Variants in NRXN3 observed in about 807,000 individuals in gnomAD.
NRXN3 encodes neurexin 3, also known as neurexin III.
Under a neutral mutation model 137.6 loss-of-function variants are expected in NRXN3, and 32 were observed. The ratio of observed to expected loss-of-function variants is 0.23; its 90% CI spans 0.18 to 0.31. The LOEUF (loss-of-function observed/expected upper bound fraction) is 0.31. Ranked by LOEUF, NRXN3 falls within the 10% of genes least tolerant of loss-of-function variation. The pLI, the probability that NRXN3 is intolerant of heterozygous loss-of-function variation, is 1.00. For synonymous variants in NRXN3, 798 were observed against 784.5 expected, an observed-to-expected ratio of 1.02 and a Z score of -0.29; for missense variants, 1,574 against 2,062.5, an observed-to-expected ratio of 0.76 and a Z score of 4.59.
chr14:79,606,067 C>G (rs1407663332), intron 16 of NRXN3, among the ~76,000 whole-genome samples: 1 of 152,114 alleles, frequency 6.6e-6, no homozygotes, highest in African/African-American at 2.4e-5. Flanking sequence ...TAATGAGGCT[C>G]TCTTTGTTTG....
At chr14:79,756,075 G>A (rs2099018464) in intron 19 of NRXN3, among the ~76,000 whole-genome samples, 1 of 152,004 alleles carries the variant, frequency 6.6e-6, no homozygotes, top group Non-Finnish European at 1.5e-5. Context: ...ATAGCCCCTG[G>A]AAAATCATCA....
At chr14:78,198,273 C>T (rs1004644383) in intron 1 of NRXN3, among the ~76,000 whole-genome samples, 19 of 152,252 alleles carry the variant, frequency 1.2e-4, no homozygotes, top group African/African-American at 4.6e-4. Context: ...TGTACCATGT[C>T]ACCTTCCCCT....
chr14:79,641,164 C>T lies in NRXN3; in HGVS notation c.3445-22614C>T, dbSNP rs2098431630. Among the ~76,000 whole-genome samples, 4 of 133,462 alleles carry T rather than the reference C, an allele frequency of 3.0e-5. 1 individual carries two copies. In the Admixed American group the frequency reaches 3.2e-4, roughly 11 times the overall value. The allele number at this position is 133,462 out of a possible 152,430, so 87.6% of individuals were successfully genotyped here. ...CTGGGATTACAGGCGCACAGCACCTCGCCTGGCTAATTCTTCTGTATTTTT... is the reference window on the plus strand; with the variant it reads ...CTGGGATTACAGGCGCACAGCACCTTGCCTGGCTAATTCTTCTGTATTTTT... On this transcript the variant is annotated intron_variant, in intron 16 of 20. Coordinates refer to ENST00000335750, the MANE Select transcript of NRXN3 (RefSeq NM_001330195.2).
chr14:78,821,350 C>T (rs770869424), intron 10 of NRXN3, among the ~76,000 whole-genome samples: 2 of 151,964 alleles, frequency 1.3e-5, no homozygotes, highest in South Asian at 2.1e-4. Flanking sequence ...AACACAAAAG[C>T]GAGAGAGAGG....
At chr14:79,674,876 A>G (rs1338141878) in intron 17 of NRXN3, among the ~76,000 whole-genome samples, 1 of 152,098 alleles carries the variant, frequency 6.6e-6, no homozygotes. Context: ...CTTCATTCCA[A>G]ATGCCTCCAA....
At chr14:78,674,070 T>C (rs1234161650) in intron 6 of NRXN3, among the ~76,000 whole-genome samples, 1 of 152,186 alleles carries the variant, frequency 6.6e-6, no homozygotes, top group Non-Finnish European at 1.5e-5. Context: ...GAGTGCTCTC[T>C]GGGTTTGCAG....
intron 4 of NRXN3, among the ~76,000 whole-genome samples, chr14:78,555,415 C>A (rs17107847): frequency 0.065 from 9,860 of 152,148 alleles, 486 homozygotes; most frequent in African/African-American, 0.14. Flanking sequence ...TCTTCTCATT[C>A]TAGTTTAATT....
chr14:79,450,370 G>T (rs2096146529), intron 15 of NRXN3, among the ~76,000 whole-genome samples: 1 of 152,118 alleles, frequency 6.6e-6, no homozygotes, highest in South Asian at 2.1e-4. Flanking sequence ...GCATAGCATG[G>T]TGACTACAGC....
At chr14:78,772,749 C>G (rs2098732503) in intron 8 of NRXN3, among the ~76,000 whole-genome samples, 3 of 152,074 alleles carry the variant, frequency 2.0e-5, no homozygotes, top group African/African-American at 7.2e-5. Context: ...TGCTGCTAGT[C>G]AGTGAACCAC....
chr14:78,791,644 G>A (rs1013012361), intron 8 of NRXN3, among the ~76,000 whole-genome samples: 10 of 152,226 alleles, frequency 6.6e-5, no homozygotes, highest in African/African-American at 1.4e-4. Context: ...AACAGACAAC[G>A]GGACTGAGAA....
chr14:78,561,648 T>G (rs532703485), intron 4 of NRXN3, among the ~76,000 whole-genome samples: 1 of 152,144 alleles, frequency 6.6e-6, no homozygotes, highest in Non-Finnish European at 1.5e-5. Flanking sequence ...CAAAATGATA[T>G]GATTTTCAGT....
At chr14:78,615,059 G>C (rs2097334325) in intron 4 of NRXN3, 2 of 456,608 alleles carry the variant, frequency 4.4e-6, no homozygotes, top group Non-Finnish European at 8.8e-6. Context: ...TATTTCCATG[G>C]TTAGATTAGG....
At chr14:78,174,037 G>A (rs930245962) in intron 1 of NRXN3, among the ~76,000 whole-genome samples, 1 of 152,018 alleles carries the variant, frequency 6.6e-6, no homozygotes, top group African/African-American at 2.4e-5. Flanking sequence ...TAAAGCTGTC[G>A]TGTGTCGCAG....
At chr14:79,562,358 C>T (rs1016171883) in intron 16 of NRXN3, among the ~76,000 whole-genome samples, 4 of 152,086 alleles carry the variant, frequency 2.6e-5, no homozygotes, top group Admixed American at 1.3e-4. Context: ...CCCTTGTGGT[C>T]GCTCTACTGC....
intron 15 of NRXN3, among the ~76,000 whole-genome samples, chr14:79,330,225 A>G (rs2091483948): frequency 6.6e-6 from 1 of 152,138 alleles, no homozygotes; most frequent in Non-Finnish European, 1.5e-5. Flanking sequence ...CAAGGGAGCT[A>G]TTGTGAGAGT....
chr14:79,354,840 T>A (rs1268048127), intron 15 of NRXN3, among the ~76,000 whole-genome samples: 1 of 152,214 alleles, frequency 6.6e-6, no homozygotes, highest in East Asian at 1.9e-4. Flanking sequence ...AAGAACATTT[T>A]GCTAAGTGCC....
chr14:78,487,793 A>T (rs2095591355), intron 4 of NRXN3, among the ~76,000 whole-genome samples: 1 of 151,288 alleles, frequency 6.6e-6, no homozygotes, highest in Admixed American at 6.6e-5. Context: ...ATAAATAAAG[A>T]TAGATTTGTC....
chr14:78,355,310 G>C (rs2084120066), intron 4 of NRXN3, among the ~76,000 whole-genome samples: 1 of 151,338 alleles, frequency 6.6e-6, no homozygotes, highest in South Asian at 2.1e-4. Context: ...GAACAAGATA[G>C]GCAGGAGCTG....
At chr14:79,763,538 G>A (rs1203747770) in intron 19 of NRXN3, among the ~76,000 whole-genome samples, 5 of 151,582 alleles carry the variant, frequency 3.3e-5, no homozygotes, top group Admixed American at 6.6e-5. Context: ...CATTTAGGGT[G>A]CTCTAACAAA....
Sources: allele counts gnomAD v4.1 joint callset (sites outside exome capture counted in the v4.1 genomes callset), GRCh38; gene constraint gnomAD v4.1.1; transcripts MANE v1.5; gene names NCBI Gene and HGNC (gene_info 2026-07-23, HGNC 2026-07-21).